TRPM3: variants seen among roughly 807,000 people sequenced by gnomAD.
TRPM3 encodes long transient receptor potential channel 3.
TRPM3 carries 77 observed loss-of-function variants against 181.2 expected under a neutral mutation model. The observed-to-expected ratio is 0.42, with a 90% CI of 0.35 to 0.51. TRPM3 has a LOEUF of 0.51. Among genes scored for constraint, TRPM3 ranks in the 20% least tolerant of loss-of-function variants. The pLI, the probability that TRPM3 is intolerant of heterozygous loss-of-function variation, is 0.01. For synonymous variants in TRPM3, 745 were observed against 796.4 expected, an observed-to-expected ratio of 0.94 and a Z score of 1.09; for missense variants, 1,759 against 2,196.7, an observed-to-expected ratio of 0.80 and a Z score of 3.98.
intron 8 of TRPM3, among the ~76,000 whole-genome samples, chr9:70,752,973 G>A (rs552646450): frequency 6.6e-6 from 1 of 152,226 alleles, no homozygotes; most frequent in East Asian, 1.9e-4. Context: ...AGCTGAGTGT[G>A]GTGGTTGGCA....
intron 1 of TRPM3, among the ~76,000 whole-genome samples, chr9:71,356,918 G>A (rs1465132807): frequency 1.3e-5 from 2 of 152,086 alleles, no homozygotes; most frequent in Non-Finnish European, 2.9e-5. Flanking sequence ...TTAAGACCTA[G>A]GACAGAAATG....
At chr9:70,655,156 A>C (rs547353385) in intron 9 of TRPM3, among the ~76,000 whole-genome samples, 1 of 150,782 alleles carries the variant, frequency 6.6e-6, no homozygotes, top group Non-Finnish European at 1.5e-5. Flanking sequence ...AAATACAAAA[A>C]TTAGCCAGGT....
intron 22 of TRPM3, among the ~76,000 whole-genome samples, chr9:70,557,252 G>A (rs1348409323): frequency 6.6e-6 from 1 of 152,188 alleles, no homozygotes; most frequent in Non-Finnish European, 1.5e-5. Flanking sequence ...GCCATACAGA[G>A]CAGTCTGGTA....
chr9:70,743,313 T>G (rs1269358303), intron 8 of TRPM3, among the ~76,000 whole-genome samples: 1 of 152,232 alleles, frequency 6.6e-6, no homozygotes, highest in Non-Finnish European at 1.5e-5. Context: ...GTCATATTGA[T>G]ATACCAACAC....
At chr9:70,653,952 T>A (rs2059933862) in intron 9 of TRPM3, among the ~76,000 whole-genome samples, 2 of 152,156 alleles carry the variant, frequency 1.3e-5, no homozygotes, top group Admixed American at 1.3e-4. Context: ...CCTCTTTGGC[T>A]TTGTGGGTAC....
At chr9:71,202,863 A>G (rs2131740466) in intron 1 of TRPM3, among the ~76,000 whole-genome samples, 1 of 152,348 alleles carries the variant, frequency 6.6e-6, no homozygotes, top group African/African-American at 2.4e-5. Flanking sequence ...GAAAACTTAC[A>G]TACATAGCTT....
chr9:70,547,109 TC>T (rs1184493958), intron 25 of TRPM3, among the ~76,000 whole-genome samples: 5 of 152,158 alleles, frequency 3.3e-5, no homozygotes, highest in African/African-American at 1.2e-4. Context: ...GTAAAGAAAC[TC>T]CTTTTCCTAA....
chr9:71,312,858 GA>G (rs1183724667), intron 1 of TRPM3, among the ~76,000 whole-genome samples: 2 of 152,186 alleles, frequency 1.3e-5, no homozygotes, highest in Non-Finnish European at 2.9e-5. Flanking sequence ...AAACTATGGA[GA>G]CAGTAAAACA....
chr9:70,784,002 T>G (rs1243279322), intron 7 of TRPM3, 103 bp downstream of exon 7: 3 of 1,492,966 alleles, frequency 2.0e-6, no homozygotes, highest in Non-Finnish European at 2.7e-6. Flanking sequence ...ATAGCTTGTT[T>G]TGATTTGAGG....
rs150205448 is a variant in TRPM3, at chr9:70,557,477, G to A, written c.3224-4167C>T. On this transcript the variant is annotated intron_variant, in intron 22 of 25. Transcript: ENST00000677713. ...GTTTCTAATGATGTCCTTGTTCTGG[G>A]TAGTTACCAACCTAAAAAGTGCTAT... is the stretch of plus-strand genomic sequence containing the variant. Among the ~76,000 whole-genome samples, 55 of 152,272 alleles carry A rather than the reference G, an allele frequency of 3.6e-4. 1 individual carries two copies. The East Asian group carries it at 9.5e-3, about 26-fold the overall frequency.
intron 1 of TRPM3, among the ~76,000 whole-genome samples, chr9:71,234,053 T>A (rs1354617490): frequency 6.6e-6 from 1 of 152,224 alleles, no homozygotes; most frequent in African/African-American, 2.4e-5. Flanking sequence ...GCAGTTTGGC[T>A]GTGTGGTTCT....
At chr9:70,682,149 C>T (rs771217360) in intron 8 of TRPM3, among the ~76,000 whole-genome samples, 3 of 152,108 alleles carry the variant, frequency 2.0e-5, no homozygotes, top group Non-Finnish European at 4.4e-5. Context: ...TAGACTAAGA[C>T]AGCCTGCTCC....
At chr9:71,190,333 A>G (rs1381164264) in intron 1 of TRPM3, among the ~76,000 whole-genome samples, 1 of 151,938 alleles carries the variant, frequency 6.6e-6, no homozygotes, top group Admixed American at 6.6e-5. Flanking sequence ...ACCTAAGTAA[A>G]TAATAAGCAT....
chr9:71,229,120 G>A (rs545032127), intron 1 of TRPM3, among the ~76,000 whole-genome samples: 1 of 152,070 alleles, frequency 6.6e-6, no homozygotes, highest in East Asian at 1.9e-4. Flanking sequence ...AAAAACAGAT[G>A]CACAGACCAA....
chr9:70,950,474 T>C (rs551268967), intron 1 of TRPM3, among the ~76,000 whole-genome samples: 107 of 152,302 alleles, frequency 7.0e-4, no homozygotes, highest in Non-Finnish European at 1.2e-3. Flanking sequence ...AAGGAAAAAG[T>C]AAGGTAATTA....
At chr9:71,177,360 C>G (rs1355798517) in intron 1 of TRPM3, among the ~76,000 whole-genome samples, 3 of 152,104 alleles carry the variant, frequency 2.0e-5, no homozygotes, top group African/African-American at 4.8e-5. Context: ...TCCCTGCCCC[C>G]CTACCCCTGG....
chr9:71,171,020 C>T (rs2076823911), intron 1 of TRPM3, among the ~76,000 whole-genome samples: 1 of 128,528 alleles, frequency 7.8e-6, no homozygotes, highest in Non-Finnish European at 1.7e-5. Context: ...GAGGTATAGG[C>T]TTATAAACAG....
At chr9:70,878,922 A>G (rs1397244673) in intron 1 of TRPM3, among the ~76,000 whole-genome samples, 1 of 152,170 alleles carries the variant, frequency 6.6e-6, no homozygotes, top group Non-Finnish European at 1.5e-5. Flanking sequence ...CCTGTGCTGG[A>G]GGAAAATCAA....
intron 1 of TRPM3, among the ~76,000 whole-genome samples, chr9:70,994,733 T>C (rs1424874522): frequency 1.3e-5 from 2 of 152,230 alleles, no homozygotes; most frequent in Non-Finnish European, 2.9e-5. Context: ...CACTGCTCTT[T>C]TCAAAACCTG....
Sources: gnomAD v4.1 joint callset for allele counts (sites outside exome capture counted in the v4.1 genomes callset) on GRCh38, gnomAD v4.1.1 for gene constraint, MANE v1.5 for transcripts, NCBI Gene and HGNC (gene_info 2026-07-23, HGNC 2026-07-21) for gene names.